The following SUSD1 variants were observed in gnomAD, a reference collection of about 807,000 sequenced individuals.
SUSD1 encodes the protein sushi domain-containing protein 1.
A neutral mutation model predicts 86.9 loss-of-function variants in SUSD1; 65 were observed. The observed-to-expected ratio is 0.75, with a 90% CI of 0.61 to 0.92. SUSD1 has a LOEUF of 0.92. SUSD1 is among the 40% of genes least tolerant of loss of function. The probability of loss-of-function intolerance (pLI) is 0.00; values close to 1 mark genes in which losing one functional copy is unlikely to be tolerated. For synonymous variants in SUSD1, 346 were observed against 350.0 expected, an observed-to-expected ratio of 0.99 and a Z score of 0.13; for missense variants, 850 against 929.7, an observed-to-expected ratio of 0.91 and a Z score of 1.11.
intron 9 of SUSD1, among the ~76,000 whole-genome samples, chr9:112,101,713 C>T (rs562542887): frequency 6.6e-6 from 1 of 152,076 alleles, no homozygotes; most frequent in African/African-American, 2.4e-5. Context: ...GGCGTGGTGG[C>T]TCATGCCTGC....
chr9:112,170,929 T>A (rs1422637459), intron 1 of SUSD1, among the ~76,000 whole-genome samples: 1 of 152,038 alleles, frequency 6.6e-6, no homozygotes, highest in Non-Finnish European at 1.5e-5. Context: ...GCCAAGCTGG[T>A]CTCGAACTCC....
chr9:112,174,272 A>G (rs907682303), intron 1 of SUSD1, among the ~76,000 whole-genome samples: 1 of 152,036 alleles, frequency 6.6e-6, no homozygotes, highest in African/African-American at 2.4e-5. Context: ...AATATGACCA[A>G]TCATTGATGG....
At position 112,129,520 on chromosome 9, in the gene SUSD1, C is replaced by A. The variant is rs143348129; in HGVS notation, c.707-5084G>T. On this transcript the variant is annotated intron_variant, in intron 5 of 16. Coordinates refer to ENST00000374270, the MANE Select transcript of SUSD1 (RefSeq NM_022486.5). ...TAAATATGGGGTTTCACCATGTTGC[C>A]CAGGCTGGCCTCAAACTCCTGGGCT... Among the ~76,000 whole-genome samples, 579 of 152,252 alleles carry A rather than the reference C, an allele frequency of 3.8e-3. 6 individuals carry two copies. The highest frequency in any genetic ancestry group is 0.013 in the African/African-American group (543 of 41,538).
At chr9:112,120,330 A>T (rs1411758294) in intron 6 of SUSD1, among the ~76,000 whole-genome samples, 1 of 152,084 alleles carries the variant, frequency 6.6e-6, no homozygotes, top group Non-Finnish European at 1.5e-5. Flanking sequence ...ACACAGAGAC[A>T]GTTGGGATGA....
intron 15 of SUSD1, among the ~76,000 whole-genome samples, chr9:112,043,356 C>G (rs925701605): frequency 6.6e-6 from 1 of 152,188 alleles, no homozygotes; most frequent in Non-Finnish European, 1.5e-5. Context: ...ACTGGTTCAT[C>G]TGATCTTGTG....
At chr9:112,126,449 A>T (rs191650734) in intron 5 of SUSD1, among the ~76,000 whole-genome samples, 136 of 152,002 alleles carry the variant, frequency 8.9e-4, no homozygotes, top group Non-Finnish European at 1.4e-3. Flanking sequence ...GCAAGATTTT[A>T]AAAAAAAATT....
At chr9:112,120,452 CT>C (rs1831506506) in intron 6 of SUSD1, among the ~76,000 whole-genome samples, 1 of 152,182 alleles carries the variant, frequency 6.6e-6, no homozygotes, top group African/African-American at 2.4e-5. Flanking sequence ...CCAGAAGCCT[CT>C]CCTACCTACC....
chr9:112,050,908 G>T (rs1038200947), intron 15 of SUSD1, among the ~76,000 whole-genome samples: 3 of 152,204 alleles, frequency 2.0e-5, no homozygotes, highest in African/African-American at 7.2e-5. Context: ...CCAAGGCAAA[G>T]GTTTAAGCTA....
At chr9:112,169,955 G>C (rs1458260514) in intron 1 of SUSD1, among the ~76,000 whole-genome samples, 1 of 152,148 alleles carries the variant, frequency 6.6e-6, no homozygotes, top group Non-Finnish European at 1.5e-5. Context: ...GATTATAGGT[G>C]TGAGCCACCA....
chr9:112,116,236 G>A (rs1831319892), intron 6 of SUSD1, among the ~76,000 whole-genome samples: 1 of 152,290 alleles, frequency 6.6e-6, no homozygotes, highest in East Asian at 1.9e-4. Context: ...TCTCAAAGAT[G>A]CCATCTGCCT....
chr9:112,102,099 T>G, intron 9 of SUSD1, 77 bp downstream of exon 9: 1 of 712,648 alleles, frequency 1.4e-6, no homozygotes, highest in Non-Finnish European at 2.3e-6. Context: ...TTTAAATACT[T>G]TGGATACTTA....
rs954424884 is a variant in SUSD1 at position 112,115,221 on chromosome 9, A to G, written c.887-2353T>C. Among the ~76,000 whole-genome samples the G allele has an allele frequency of 2.6e-5, 4 of 152,168 alleles. No individual in the cohort carries two copies. The South Asian group carries it at 8.3e-4, about 31-fold the overall frequency. On this transcript the variant is annotated intron_variant, in intron 6 of 16. Transcript: ENST00000374270. Reference sequence around the variant, plus strand: ...TTCTCCTGTACTCAGAACCAATGCTAGCTTTGGATTGACCCAGATCTACTG... The same window carrying G: ...TTCTCCTGTACTCAGAACCAATGCTGGCTTTGGATTGACCCAGATCTACTG...
chr9:112,098,701 C>A, intron 9 of SUSD1, 39 bp from the exon 10 acceptor site: 1 of 1,597,068 alleles, frequency 6.3e-7, no homozygotes, highest in South Asian at 1.1e-5. Flanking sequence ...ATTAGATTTT[C>A]CATTGACTAA....
chr9:112,061,920 G>C (rs1477377235), intron 13 of SUSD1, among the ~76,000 whole-genome samples: 1 of 151,972 alleles, frequency 6.6e-6, no homozygotes, highest in Non-Finnish European at 1.5e-5. Context: ...TGAGCAAGCT[G>C]TTCATCTCTC....
At position 112,142,961 on chromosome 9, in the gene SUSD1, C is replaced by CTTTTTTTTTTTTTTTTTTTT. The variant is rs529470594; in HGVS notation, c.527-482_527-463dup. Among the ~76,000 whole-genome samples the CTTTTTTTTTTTTTTTTTTTT allele has an allele frequency of 6.6e-5, 2 of 30,178 alleles. 1 individual carries two copies. Among genetic ancestry groups the CTTTTTTTTTTTTTTTTTTTT allele is most frequent in the Non-Finnish European group, 1.4e-4 (2 of 14,304 alleles). The allele number at this position is 30,178 out of a possible 152,430, so 19.8% of individuals were successfully genotyped here. On this transcript the variant is annotated intron_variant, in intron 4 of 16. Transcript: ENST00000374270. ...AATCCTTTAAGTTTATGAATTTTAG[C>CTTTTTTTTTTTTTTTTTTTT]TTTTTTTTTTTTTTTTTTTTTTTTT...
At chr9:112,062,852 G>A in intron 13 of SUSD1, 85 bp downstream of exon 13, 1 of 881,062 alleles carries the variant, frequency 1.1e-6, no homozygotes, top group Non-Finnish European at 1.8e-6. Flanking sequence ...CACCAACACA[G>A]AAGTCTTCTC....
chr9:112,065,655 G>C (rs1231116931), intron 12 of SUSD1, among the ~76,000 whole-genome samples: 1 of 152,200 alleles, frequency 6.6e-6, no homozygotes, highest in Admixed American at 6.5e-5. Flanking sequence ...AGAGAAGCTA[G>C]ACTACAGTTA....
At chr9:112,115,424 G>C (rs576737295) in intron 6 of SUSD1, among the ~76,000 whole-genome samples, 1 of 152,318 alleles carries the variant, frequency 6.6e-6, no homozygotes, top group South Asian at 2.1e-4. Flanking sequence ...ATACCAGAAA[G>C]GCCACCTATG....
At chr9:112,116,924 G>A (rs1294379169) in intron 6 of SUSD1, among the ~76,000 whole-genome samples, 1 of 152,212 alleles carries the variant, frequency 6.6e-6, no homozygotes, top group Admixed American at 6.5e-5. Flanking sequence ...CGGATTACTT[G>A]AGGCCAGGAG....
Sources: allele counts gnomAD v4.1 joint callset (sites outside exome capture counted in the v4.1 genomes callset), GRCh38; gene constraint gnomAD v4.1.1; transcripts MANE v1.5; gene names NCBI Gene and HGNC (gene_info 2026-07-23, HGNC 2026-07-21).